SLC8A1: variants seen among roughly 807,000 people sequenced by gnomAD.
The protein encoded by SLC8A1 is solute carrier family 8 member A1.
SLC8A1 carries 18 observed loss-of-function variants against 68.3 expected under a neutral mutation model. The observed-to-expected ratio is 0.26, with a 90% CI of 0.18 to 0.39. The LOEUF (loss-of-function observed/expected upper bound fraction) is 0.39. Ranked by LOEUF, SLC8A1 falls within the 10% of genes least tolerant of loss-of-function variation. The probability of loss-of-function intolerance (pLI) is 1.00; values close to 1 mark genes in which losing one functional copy is unlikely to be tolerated. For missense variants in SLC8A1, 985 were observed against 1,156.7 expected, an observed-to-expected ratio of 0.85 and a Z score of 2.15; for synonymous variants, 475 against 415.5, an observed-to-expected ratio of 1.14 and a Z score of -1.74.
chr2:40,414,009 G>C (rs553150267), intron 2 of SLC8A1, among the ~76,000 whole-genome samples: 1 of 152,070 alleles, frequency 6.6e-6, no homozygotes, highest in African/African-American at 2.4e-5. Flanking sequence ...AAATTTGTAA[G>C]AATTATGTAA....
chr2:40,430,328 A>G, intron 1 of SLC8A1, 24 bp from the exon 2 acceptor site: 1 of 1,544,524 alleles, frequency 6.5e-7, no homozygotes, highest in Non-Finnish European at 8.7e-7. Flanking sequence ...GATGGGGGAG[A>G]GGGCAGAAAA....
At position 40,179,144 on chromosome 2, in the gene SLC8A1, C is replaced by T. The variant is rs368665779; in HGVS notation, c.1809-1289G>A. Among the ~76,000 whole-genome samples, 11 of 152,308 alleles carry T rather than the reference C, an allele frequency of 7.2e-5. No individual in the cohort carries two copies. The East Asian group carries it at 1.7e-3, about 24-fold the overall frequency. Reference sequence around the variant, plus strand: ...CTAGACCACAGCAGGAAGTTGTTCACGTTTTGTTTGTCTTTCTAAAGATGG... The same window carrying T: ...CTAGACCACAGCAGGAAGTTGTTCATGTTTTGTTTGTCTTTCTAAAGATGG... On this transcript the variant is annotated intron_variant, in intron 2 of 7. Coordinates refer to ENST00000406785, the Ensembl canonical transcript of SLC8A1.
intron 2 of SLC8A1, among the ~76,000 whole-genome samples, chr2:40,390,317 T>A (rs1018916958): frequency 6.6e-6 from 1 of 152,078 alleles, no homozygotes; most frequent in African/African-American, 2.4e-5. Flanking sequence ...ACTTTTTTTT[T>A]AACTTTCAAT....
At chr2:40,314,018 T>A (rs2074101251) in intron 2 of SLC8A1, among the ~76,000 whole-genome samples, 1 of 152,134 alleles carries the variant, frequency 6.6e-6, no homozygotes, top group Non-Finnish European at 1.5e-5. Flanking sequence ...GTAAAAGGTT[T>A]AAATGTTATC....
intron 1 of SLC8A1, among the ~76,000 whole-genome samples, chr2:40,483,555 A>G (rs1704775684): frequency 6.6e-6 from 1 of 152,200 alleles, no homozygotes; most frequent in Non-Finnish European, 1.5e-5. Flanking sequence ...GAGACTGCTA[A>G]TTCTCTAGTC....
chr2:40,122,208 A>ACACACACACACACACGTGTGCGCGCG lies in SLC8A1; in HGVS notation c.2438-6580_2438-6579insCGCGCGCACACGTGTGTGTGTGTGTG, dbSNP rs1558434463. On this transcript the variant is annotated intron_variant, in intron 7 of 7. Transcript: ENST00000406785. ...CTCTCACAAGTGCATGCGCGCGCGC[A>ACACACACACACACACGTGTGCGCGCG]CACACACACACACACACGTGTGCGC... Among the ~76,000 whole-genome samples, 9 of 145,162 alleles carry ACACACACACACACACGTGTGCGCGCG rather than the reference A, an allele frequency of 6.2e-5. No homozygotes were observed. In the East Asian group the frequency reaches 1.3e-3, roughly 21 times the overall value.
At chr2:40,164,126 A>G (rs1413516508) in intron 5 of SLC8A1, among the ~76,000 whole-genome samples, 1 of 150,504 alleles carries the variant, frequency 6.6e-6, no homozygotes, top group Non-Finnish European at 1.5e-5. Context: ...TGGTCTTCCC[A>G]GATGCTAGAA....
chr2:40,119,267 A>G (rs1296420654), intron 7 of SLC8A1, among the ~76,000 whole-genome samples: 2 of 152,078 alleles, frequency 1.3e-5, no homozygotes, highest in Non-Finnish European at 2.9e-5. Flanking sequence ...TGTGTCTCAT[A>G]GGTTTTATTT....
At chr2:40,459,502 G>A (rs577122577) in intron 1 of SLC8A1, among the ~76,000 whole-genome samples, 2 of 152,140 alleles carry the variant, frequency 1.3e-5, no homozygotes, top group Non-Finnish European at 2.9e-5. Context: ...GTACCACTGC[G>A]TTTTGGAGCA....
intron 2 of SLC8A1, among the ~76,000 whole-genome samples, chr2:40,292,168 G>A (rs2069451798): frequency 6.6e-6 from 1 of 152,056 alleles, no homozygotes; most frequent in African/African-American, 2.4e-5. Context: ...CCAATATACA[G>A]GGTTCTTCTC....
intron 2 of SLC8A1, among the ~76,000 whole-genome samples, chr2:40,317,581 A>C (rs1260199429): frequency 2.0e-5 from 3 of 152,260 alleles, no homozygotes; most frequent in Non-Finnish European, 4.4e-5. Context: ...CAACTAAAGA[A>C]CAGGATATAT....
At chr2:40,497,028 A>G (rs1705754539) in intron 1 of SLC8A1, among the ~76,000 whole-genome samples, 3 of 151,912 alleles carry the variant, frequency 2.0e-5, no homozygotes, top group Admixed American at 2.0e-4. Context: ...TACATATGTA[A>G]CTAACCTGCA....
intron 2 of SLC8A1, among the ~76,000 whole-genome samples, chr2:40,308,955 G>A (rs1354515779): frequency 6.6e-6 from 1 of 152,168 alleles, no homozygotes; most frequent in Non-Finnish European, 1.5e-5. Flanking sequence ...GGGGGACTGG[G>A]TCCTGTGGAC....
intron 2 of SLC8A1, among the ~76,000 whole-genome samples, chr2:40,383,893 G>C (rs1007803049): frequency 6.6e-6 from 1 of 152,098 alleles, no homozygotes; most frequent in Non-Finnish European, 1.5e-5. Context: ...CTATATCCAA[G>C]AGTGAACCTT....
chr2:40,176,216 A>T (rs2048445996), intron 3 of SLC8A1, among the ~76,000 whole-genome samples: 1 of 152,142 alleles, frequency 6.6e-6, no homozygotes, highest in Admixed American at 6.5e-5. Context: ...GCATTAGAGG[A>T]TACTTTCTAA....
intron 2 of SLC8A1, among the ~76,000 whole-genome samples, chr2:40,413,607 A>G (rs574374431): frequency 6.8e-4 from 104 of 152,302 alleles, no homozygotes; most frequent in Non-Finnish European, 1.3e-3. Context: ...CCTCCAAATT[A>G]TATGAAAGTC....
At chr2:40,282,750 C>T (rs2067706895) in intron 2 of SLC8A1, among the ~76,000 whole-genome samples, 1 of 152,112 alleles carries the variant, frequency 6.6e-6, no homozygotes, top group African/African-American at 2.4e-5. Flanking sequence ...TGTGTCCAGT[C>T]CTGCCCAGTA....
intron 2 of SLC8A1, among the ~76,000 whole-genome samples, chr2:40,296,206 G>A (rs1422517264): frequency 6.6e-6 from 1 of 152,092 alleles, no homozygotes; most frequent in Admixed American, 6.6e-5. Context: ...TATTAAAAAT[G>A]ACTCTAGAAA....
exon 2 of SLC8A1, chr2:40,429,333 G>A (rs1272523267): frequency 1.2e-6 from 2 of 1,613,480 alleles, no homozygotes; most frequent in Admixed American, 1.7e-5. Context: ...CATCATCTTG[G>A]TCCCTCTCAT....
Sources: allele counts gnomAD v4.1 joint callset (sites outside exome capture counted in the v4.1 genomes callset), GRCh38; gene constraint gnomAD v4.1.1; transcripts MANE v1.5; gene names NCBI Gene and HGNC (gene_info 2026-07-23, HGNC 2026-07-21).